UNC5C: variants seen among roughly 807,000 people sequenced by gnomAD.
The protein encoded by UNC5C is netrin receptor UNC5C.
In UNC5C, 47 loss-of-function variants were observed where a neutral mutation model predicts 99.8. That is an observed-to-expected ratio of 0.47 (90% CI 0.37 to 0.60). UNC5C has a LOEUF of 0.60. Ranked by LOEUF, UNC5C falls within the 20% of genes least tolerant of loss-of-function variation. The pLI is 0.00. For missense variants in UNC5C, 1,062 were observed against 1,165.9 expected (o/e 0.91, Z 1.30); for synonymous variants, 487 against 452.2 (o/e 1.08, Z -0.98).
chr4:95,418,221 T>A (rs75269332), intron 1 of UNC5C, among the ~76,000 whole-genome samples: 1 of 152,378 alleles, frequency 6.6e-6, no homozygotes, highest in East Asian at 1.9e-4. Context: ...ACAGCCTTAG[T>A]CTTGCTATAG....
intron 9 of UNC5C, among the ~76,000 whole-genome samples, chr4:95,218,714 T>C (rs541549226): frequency 6.6e-6 from 1 of 152,246 alleles, no homozygotes; most frequent in Non-Finnish European, 1.5e-5. Context: ...ATGATGGTTC[T>C]AAATTACACC....
chr4:95,225,120 G>A (rs1249757223), intron 7 of UNC5C, among the ~76,000 whole-genome samples: 1 of 152,076 alleles, frequency 6.6e-6, no homozygotes. Flanking sequence ...GCAATGGCAC[G>A]ATCTCGGCTC....
chr4:95,445,298 CT>C (rs1182791717), intron 1 of UNC5C, among the ~76,000 whole-genome samples: 1 of 150,124 alleles, frequency 6.7e-6, no homozygotes, highest in Non-Finnish European at 1.5e-5. Context: ...CCCTCCAACC[CT>C]TTTTTTCCTA....
chr4:95,441,719 C>T (rs1050762509), intron 1 of UNC5C, among the ~76,000 whole-genome samples: 2 of 152,042 alleles, frequency 1.3e-5, no homozygotes, highest in African/African-American at 4.8e-5. Flanking sequence ...ATTATCACAG[C>T]AAAAGACCTG....
chr4:95,526,113 T>C (rs968642571), intron 1 of UNC5C, among the ~76,000 whole-genome samples: 1 of 152,186 alleles, frequency 6.6e-6, no homozygotes, highest in Non-Finnish European at 1.5e-5. Context: ...ACACAGAATA[T>C]AGTACATTTA....
In UNC5C at chr4:95,169,057, C is replaced by T. The variant is rs543908837; in HGVS notation, c.*177G>A. 22 of 682,816 alleles carry T rather than the reference C, an allele frequency of 3.2e-5. 1 individual carries two copies. In the South Asian group the frequency reaches 4.3e-4, roughly 13 times the overall value. The allele number at this position is 682,816 out of a possible 1,614,324, so 42.3% of individuals were successfully genotyped here. A position where few individuals can be genotyped will look rare whatever the true frequency, so the allele number is the denominator to read the frequency against. ...TTTTCTTAACTCCCGTGATGATGTC[C>T]GAGTAAAGTGGGCATGTACATGGGC... On this transcript the variant is annotated 3_prime_UTR_variant, in exon 16 of 16. Transcript: ENST00000453304.
At chr4:95,213,175 G>A (rs1738133735) in intron 10 of UNC5C, among the ~76,000 whole-genome samples, 1 of 152,186 alleles carries the variant, frequency 6.6e-6, no homozygotes. Context: ...TTCACCCTTT[G>A]ATAAAACTGC....
chr4:95,257,545 A>C (rs750662675), intron 4 of UNC5C, among the ~76,000 whole-genome samples: 1 of 152,120 alleles, frequency 6.6e-6, no homozygotes, highest in Admixed American at 6.5e-5. Flanking sequence ...TGCAAGGGGC[A>C]CTCATCTTCC....
chr4:95,316,620 T>C (rs1742485930), intron 2 of UNC5C, among the ~76,000 whole-genome samples: 1 of 152,140 alleles, frequency 6.6e-6, no homozygotes, highest in Non-Finnish European at 1.5e-5. Context: ...GAAATACCTA[T>C]CAAAAAATGA....
chr4:95,305,626 G>T (rs112715498), intron 2 of UNC5C, among the ~76,000 whole-genome samples: 10 of 152,264 alleles, frequency 6.6e-5, no homozygotes, highest in African/African-American at 2.4e-4. Flanking sequence ...TAACATCAAA[G>T]ATTTCCCATC....
At chr4:95,521,138 T>C (rs1323291246) in intron 1 of UNC5C, among the ~76,000 whole-genome samples, 1 of 152,106 alleles carries the variant, frequency 6.6e-6, no homozygotes, top group East Asian at 1.9e-4. Context: ...TTTCTGGTTA[T>C]ATCCTCACAT....
intron 1 of UNC5C, among the ~76,000 whole-genome samples, chr4:95,398,044 C>CTTTTTTTTTTTTTTTTTTTTTTTTTTT (rs34609153): frequency 2.1e-5 from 2 of 95,904 alleles, no homozygotes; most frequent in African/African-American, 4.9e-5. Context: ...CCAAATGTAG[C>CTTTTTTTTTTTTTTTTTTTTTTTTTTT]TTTTTTTTTT....
At chr4:95,484,008 C>A (rs11938447) in intron 1 of UNC5C, among the ~76,000 whole-genome samples, 5,237 of 151,782 alleles carry the variant, frequency 0.035, 114 homozygotes, top group East Asian at 0.072. Context: ...AGAGTCCTTG[C>A]ACTTTTGAGG....
rs147509673 is a variant in UNC5C, at chr4:95,389,858, A to T, written c.125-54227T>A. ...TTACATGTTGAAATATTTTAGACAT[A>T]TTGAATTAAAATAATATTATTAAGA... On this transcript the variant is annotated intron_variant, in intron 1 of 15. Coordinates refer to ENST00000453304, the MANE Select transcript of UNC5C (RefSeq NM_003728.4). 9.2e-3 allele frequency among the ~76,000 whole-genome samples: 1,405 copies of T among 152,242 alleles called. 28 individuals carry two copies. The highest frequency in any genetic ancestry group is 0.032 in the African/African-American group (1,332 of 41,562).
At chr4:95,371,935 G>T (rs1463488646) in intron 1 of UNC5C, among the ~76,000 whole-genome samples, 2 of 152,106 alleles carry the variant, frequency 1.3e-5, no homozygotes, top group Non-Finnish European at 2.9e-5. Flanking sequence ...TTCAAGCTAT[G>T]TGTCTTTCTG....
At chr4:95,181,856 T>C (rs1736625720) in intron 14 of UNC5C, among the ~76,000 whole-genome samples, 1 of 152,220 alleles carries the variant, frequency 6.6e-6, no homozygotes, top group Non-Finnish European at 1.5e-5. Context: ...AAATATGACA[T>C]GTGAAGCAAG....
Position 95,166,157 on chromosome 4 carries a change from A to C in UNC5C, c.*3077T>G, listed in dbSNP as rs1057283122. 1 of 152,194 alleles carries C rather than the reference A, an allele frequency of 6.6e-6. No individual in the cohort carries two copies. Among genetic ancestry groups the C allele is most frequent in the Non-Finnish European group, 1.5e-5 (1 of 68,028 alleles). 9.4% of individuals were successfully genotyped at this position (152,194 alleles called of 1,614,324 possible). A position where few individuals can be genotyped will look rare whatever the true frequency, so the allele number is the denominator to read the frequency against. On this transcript the variant is annotated 3_prime_UTR_variant, in exon 16 of 16. Transcript: ENST00000453304. ...CACAAATGATAGTTTTTTCTATCCA[A>C]ATGAAACCAGCCAAACTGCCTCTCC...
chr4:95,269,454 A>AT (rs1422622999), intron 4 of UNC5C, among the ~76,000 whole-genome samples: 2 of 151,240 alleles, frequency 1.3e-5, no homozygotes, highest in African/African-American at 2.4e-5. Context: ...GCTAATTTTT[A>AT]TTTTTTTATT....
intron 14 of UNC5C, 131 bp downstream of exon 14, chr4:95,182,763 TAAC>T: frequency 2.2e-6 from 2 of 911,368 alleles, no homozygotes; most frequent in East Asian, 2.6e-5. Flanking sequence ...ATTATTCTAT[TAAC>T]AAATAGGATC....
Sources: allele counts gnomAD v4.1 joint callset (sites outside exome capture counted in the v4.1 genomes callset), GRCh38; gene constraint gnomAD v4.1.1; transcripts MANE v1.5; gene names NCBI Gene and HGNC (gene_info 2026-07-23, HGNC 2026-07-21).